The following REV1 variants were observed in gnomAD, a reference collection of about 807,000 sequenced individuals.
REV1 encodes REV1 DNA directed polymerase.
REV1 carries 42 observed loss-of-function variants against 137.4 expected under a neutral mutation model. The observed-to-expected ratio is 0.31, with a 90% CI of 0.24 to 0.40. REV1 has a LOEUF of 0.40. REV1 is among the 10% of genes least tolerant of loss of function. REV1 has a pLI of 1.00. For missense variants in REV1, 1,282 were observed against 1,490.1 expected (o/e 0.86, Z 2.30); for synonymous variants, 524 against 519.2 (o/e 1.01, Z -0.12).
chr2:99,406,203 C>A lies in REV1; in HGVS notation c.2615-97G>T, dbSNP rs139055413. The A allele has an allele frequency of 3.2e-5, 45 of 1,385,616 alleles. No homozygotes were observed. The East Asian group carries it at 1.0e-3, about 32-fold the overall frequency. The allele number at this position is 1,385,616 out of a possible 1,614,324, so 85.8% of individuals were successfully genotyped here. A position where few individuals can be genotyped will look rare whatever the true frequency, so the allele number is the denominator to read the frequency against. On this transcript the variant is annotated intron_variant, in intron 16 of 22. Transcript: ENST00000258428. ...AAATAAAAAAACTTTATTACTGATT[C>A]ATCATAATGAAGAATATAAATTTTT...
In REV1 at chr2:99,449,460, C is replaced by A; in HGVS notation, c.226G>T (p.Gly76Cys). Reference protein sequence around the residue: ...ELRKLMMLHGGQYHVYYSRSK... With the variant: ...ELRKLMMLHGCQYHVYYSRSK... The stretch of plus-strand genomic sequence containing the variant: ...CTGGAATAATATACATGGTATTGAC[C>A]TCCATGCAACATCATTAGTTTTCTC... Residue 76 changes from glycine (G) to cysteine (C), a missense_variant, in exon 4 of 23, where the codon GGT becomes TGT. Transcript: ENST00000258428. 6.5e-7 allele frequency: 1 copy of A among 1,528,148 alleles called. No individual in the cohort carries two copies. The highest frequency in any genetic ancestry group is 8.8e-7 in the Non-Finnish European group (1 of 1,142,816). The allele number at this position is 1,528,148 out of a possible 1,614,324, so 94.7% of individuals were successfully genotyped here. A position where few individuals can be genotyped will look rare whatever the true frequency, so the allele number is the denominator to read the frequency against.
At chr2:99,471,889 T>TAAAAAAAAAA (rs947603744) in intron 1 of REV1, among the ~76,000 whole-genome samples, 3 of 93,422 alleles carry the variant, frequency 3.2e-5, no homozygotes, top group East Asian at 2.8e-4. Context: ...TAGCTACTAT[T>TAAAAAAAAAA]AAAAAAAAAA....
intron 4 of REV1, among the ~76,000 whole-genome samples, chr2:99,447,190 C>T (rs886626955): frequency 1.3e-5 from 2 of 150,936 alleles, no homozygotes; most frequent in Non-Finnish European, 3.0e-5. Context: ...CAGAGTCTCA[C>T]TTTGTCGCCA....
rs1032448053 is a variant in REV1, at chr2:99,480,087, G to A, written c.-11+9730C>T. On this transcript the variant is annotated intron_variant, in intron 1 of 22. Coordinates refer to ENST00000258428, the MANE Select transcript of REV1 (RefSeq NM_016316.4). ...GTATCTCAGCACTTTGCGGGGTTAC[G>A]GCAGGAGGACTGCTCAAGCCCAGGA... 2.6e-5 allele frequency among the ~76,000 whole-genome samples: 4 copies of A among 152,254 alleles called. 1 individual carries two copies. Among genetic ancestry groups the A allele is most frequent in the South Asian group, 4.1e-4 (2 of 4,820 alleles).
intron 14 of REV1, among the ~76,000 whole-genome samples, chr2:99,408,663 C>T (rs1352643332): frequency 6.6e-6 from 1 of 152,166 alleles, no homozygotes; most frequent in Non-Finnish European, 1.5e-5. Context: ...TGAAGGAGGA[C>T]CAAATGGTCC....
chr2:99,462,086 A>C (rs1684279887), intron 3 of REV1, among the ~76,000 whole-genome samples: 1 of 152,158 alleles, frequency 6.6e-6, no homozygotes, highest in Non-Finnish European at 1.5e-5. Context: ...TCTTCTACAG[A>C]CAAGAGAGTA....
chr2:99,404,748 G>C, intron 17 of REV1, 71 bp from the exon 18 acceptor site: 2 of 1,019,384 alleles, frequency 2.0e-6, no homozygotes, highest in Non-Finnish European at 3.0e-6. Context: ...GAGTTAACAC[G>C]CCACTTTAAA....
chr2:99,404,637 C>T lies in REV1; in HGVS notation c.2852G>A (p.Arg951Gln), dbSNP rs1003637617. 22 of 1,611,452 alleles carry T rather than the reference C, an allele frequency of 1.4e-5. No homozygotes were observed. The highest frequency in any genetic ancestry group is 6.8e-5 in the Admixed American group (4 of 59,196). ...AGCACAGACTTGCTCTACTTGTTCC[C>T]GGAGATCAGGTGGAAGTGCTTCTAA... is the stretch of plus-strand genomic sequence containing the variant. ...SVLEALPPDL[R>Q]EQVEQVCAVQ... is the part of the protein sequence containing the mutation. The change falls in exon 18 of 23, where the codon CGG becomes CAG. Residue 951 changes from arginine (R) to glutamine (Q), a missense_variant. Coordinates refer to ENST00000258428, the MANE Select transcript of REV1 (RefSeq NM_016316.4).
At chr2:99,426,938 CT>C (rs1407881953) in intron 9 of REV1, among the ~76,000 whole-genome samples, 7 of 152,122 alleles carry the variant, frequency 4.6e-5, no homozygotes, top group African/African-American at 1.7e-4. Flanking sequence ...AATCCCAGCA[CT>C]TTTGGGAGGC....
chr2:99,407,145 G>A (rs117849402), intron 15 of REV1, among the ~76,000 whole-genome samples: 1,591 of 134,684 alleles, frequency 0.012, 8 homozygotes, highest in Middle Eastern at 0.032. Flanking sequence ...GCTGGAGTGC[G>A]GTGGCACGAT....
intron 12 of REV1, 81 bp from the exon 13 acceptor site, chr2:99,413,032 C>T: frequency 4.3e-6 from 4 of 935,278 alleles, no homozygotes; most frequent in Non-Finnish European, 6.8e-6. Context: ...ACCATTTATG[C>T]ACAAAACAAC....
chr2:99,489,789 C>G (rs1195567189), intron 1 of REV1, 28 bp downstream of exon 1: 1 of 149,702 alleles, frequency 6.7e-6, no homozygotes, highest in Non-Finnish European at 1.5e-5. Flanking sequence ...CCCTCCCCCA[C>G]CCCGCCGCCG....
rs753869271 is a variant in REV1, at chr2:99,434,404, G to C, written c.1366C>G (p.Pro456Ala). ...VTSNRGTGRA[P>A]LRPGANPQLE... ...TGGGGGTTAGCGCCAGGACGTAAAG[G>C]TGCCCTTCCTGTGCCTCTGTTACTT... Residue 456 changes from proline to alanine, a missense_variant, in exon 8 of 23, where the codon CCT (proline) becomes GCT (alanine). Coordinates refer to ENST00000258428, the MANE Select transcript of REV1 (RefSeq NM_016316.4). 1.8e-5 allele frequency: 29 copies of C among 1,604,164 alleles called. No individual in the cohort carries two copies. The highest frequency in any genetic ancestry group is 6.9e-5 in the Admixed American group (4 of 58,218).
At chr2:99,428,991 CAAAAAAA>C (rs762850171) in intron 9 of REV1, among the ~76,000 whole-genome samples, 11 of 63,848 alleles carry the variant, frequency 1.7e-4, no homozygotes, top group African/African-American at 6.6e-4. Context: ...GACTCCGTCT[CAAAAAAA>C]AAAAAAAAAA....
intron 8 of REV1, among the ~76,000 whole-genome samples, chr2:99,433,469 C>CA (rs1680367362): frequency 6.6e-6 from 1 of 152,100 alleles, no homozygotes; most frequent in African/African-American, 2.4e-5. Flanking sequence ...ACTATAATCC[C>CA]AAAAAAGGTC....
Position 99,434,328 on chromosome 2 carries a change from G to GTACC in REV1, c.1438_1438+3dup, listed in dbSNP as rs1275070525. 1 of 1,585,436 alleles carries GTACC rather than the reference G, an allele frequency of 6.3e-7. No individual in the cohort carries two copies. The highest frequency in any genetic ancestry group is 8.6e-7 in the Non-Finnish European group (1 of 1,164,062). ...CTAAGACTTCAAAGAGAGCTCATTT[G>GTACC]TACCTGCTTTGCCTTTCAGGATTTT... On this transcript the variant is annotated splice_donor_region_variant and intron_variant, in intron 8 of 22. Transcript: ENST00000258428.
intron 1 of REV1, among the ~76,000 whole-genome samples, chr2:99,475,053 G>A (rs746159674): frequency 3.9e-5 from 6 of 152,188 alleles, no homozygotes; most frequent in Middle Eastern, 3.4e-3. Flanking sequence ...CTTGTTCCCC[G>A]GTGCCATAAA....
At chr2:99,484,261 GT>G (rs1339880989) in intron 1 of REV1, among the ~76,000 whole-genome samples, 1 of 152,118 alleles carries the variant, frequency 6.6e-6, no homozygotes, top group Non-Finnish European at 1.5e-5. Flanking sequence ...AGCAGAAAAA[GT>G]AACTATTGTG....
rs1675674792 is a variant in REV1, at chr2:99,402,874, A to AAGTT, written c.3384+11_3384+14dup. 1.9e-6 allele frequency: 3 copies of AAGTT among 1,613,238 alleles called. No individual in the cohort carries two copies. The highest frequency in any genetic ancestry group is 1.7e-6 in the Non-Finnish European group (2 of 1,179,698). On this transcript the variant is annotated intron_variant, in intron 20 of 22. Coordinates refer to ENST00000258428, the MANE Select transcript of REV1 (RefSeq NM_016316.4). ...GTATATTAAGATCTCATAAAGGTCA[A>AAGTT]AGTTAAGGAATTACCAGGGGTTTCT...
Sources: gnomAD v4.1 joint callset for allele counts (sites outside exome capture counted in the v4.1 genomes callset) on GRCh38, gnomAD v4.1.1 for gene constraint, MANE v1.5 for transcripts, NCBI Gene and HGNC (gene_info 2026-07-23, HGNC 2026-07-21) for gene names.